Variants in NAALADL2 observed in about 807,000 individuals in gnomAD.
NAALADL2 encodes the protein inactive N-acetylated-alpha-linked acidic dipeptidase-like protein 2.
In NAALADL2, 76 loss-of-function variants were observed where a neutral mutation model predicts 87.2. The ratio of observed to expected loss-of-function variants is 0.87; its 90% CI spans 0.72 to 1.05. The LOEUF (loss-of-function observed/expected upper bound fraction) is 1.05, where lower values mean the gene tolerates loss of function less well. Among genes scored for constraint, NAALADL2 ranks in the 50% least tolerant of loss-of-function variants. NAALADL2 has a pLI of 0.00. For synonymous variants in NAALADL2, 354 were observed against 331.0 expected (o/e 1.07, Z -0.75); for missense variants, 1,089 against 945.8 (o/e 1.15, Z -1.99).
At chr3:175,795,622 G>T (rs1041646660) in intron 13 of NAALADL2, among the ~76,000 whole-genome samples, 1 of 151,960 alleles carries the variant, frequency 6.6e-6, no homozygotes, top group Non-Finnish European at 1.5e-5. Flanking sequence ...GGCGGAGCTT[G>T]CAGTGAGCAG....
At chr3:174,665,196 T>C (rs894459224) in intron 2 of NAALADL2, among the ~76,000 whole-genome samples, 4 of 152,152 alleles carry the variant, frequency 2.6e-5, no homozygotes, top group African/African-American at 7.2e-5. Flanking sequence ...TTATGAGCAT[T>C]ACATAGAGAT....
In NAALADL2 at chr3:175,801,885, A is replaced by G. The variant is rs893505705; in HGVS notation, c.2190-1120A>G. On this transcript the variant is annotated intron_variant, in intron 13 of 13. Coordinates refer to ENST00000454872, the MANE Select transcript of NAALADL2 (RefSeq NM_207015.3). ...TTCCCAAATCAAATTTCTCCTTCTCAGCAATTTGACTAAGTTACAGGGCAC... is the reference window on the plus strand; with the variant it reads ...TTCCCAAATCAAATTTCTCCTTCTCGGCAATTTGACTAAGTTACAGGGCAC... Among the ~76,000 whole-genome samples the G allele has an allele frequency of 5.3e-5, 8 of 152,130 alleles. No individual in the cohort carries two copies. In the East Asian group the frequency reaches 1.4e-3, roughly 26 times the overall value.
At chr3:175,410,493 C>A in intron 5 of NAALADL2, among the ~76,000 whole-genome samples, 1 of 152,038 alleles carries the variant, frequency 6.6e-6, no homozygotes, top group Non-Finnish European at 1.5e-5. Context: ...ATTTATTCCA[C>A]AGATGTTTAT....
At chr3:175,213,326 A>G (rs1176243197) in intron 2 of NAALADL2, among the ~76,000 whole-genome samples, 1 of 152,074 alleles carries the variant, frequency 6.6e-6, no homozygotes. Flanking sequence ...CCTACTAGAT[A>G]TTAAGGGAGG....
rs1753070847 is a variant in NAALADL2, at chr3:175,033,799, G to T, written c.44-62991G>T. ...CCTTACGTGGTTTAATCCAGTTCAT[G>T]ATGTGAAGCGCCATCTTGAATTTCA... On this transcript the variant is annotated intron_variant, in intron 1 of 13. Transcript: ENST00000454872. 1.3e-5 allele frequency among the ~76,000 whole-genome samples: 2 copies of T among 152,092 alleles called. 1 individual carries two copies. The highest frequency in any genetic ancestry group is 4.1e-4 in the South Asian group (2 of 4,832).
intron 3 of NAALADL2, among the ~76,000 whole-genome samples, chr3:174,783,807 A>G (rs1716285449): frequency 6.6e-6 from 1 of 152,054 alleles, no homozygotes; most frequent in Non-Finnish European, 1.5e-5. Context: ...TCTCAATCCT[A>G]GCTATGGAAT....
chr3:175,443,690 C>T (rs1340027628), intron 5 of NAALADL2, among the ~76,000 whole-genome samples: 1 of 152,120 alleles, frequency 6.6e-6, no homozygotes, highest in Admixed American at 6.6e-5. Context: ...CTTTTTTCTA[C>T]TATTAATTAT....
chr3:174,676,349 T>C (rs556822586), intron 2 of NAALADL2, among the ~76,000 whole-genome samples: 1 of 152,218 alleles, frequency 6.6e-6, no homozygotes, highest in Non-Finnish European at 1.5e-5. Flanking sequence ...TCAACCATTT[T>C]ATATGAACAA....
intron 4 of NAALADL2, among the ~76,000 whole-genome samples, chr3:175,316,898 CTT>C (rs1026671956): frequency 6.6e-6 from 1 of 152,074 alleles, no homozygotes; most frequent in Non-Finnish European, 1.5e-5. Flanking sequence ...AATTAAGTGT[CTT>C]TATTTCTAAA....
intron 2 of NAALADL2, among the ~76,000 whole-genome samples, chr3:175,176,981 C>T (rs961855342): frequency 7.2e-5 from 11 of 152,060 alleles, no homozygotes; most frequent in South Asian, 4.2e-4. Flanking sequence ...AACAATCATT[C>T]GTATATAGAA....
intron 6 of NAALADL2, among the ~76,000 whole-genome samples, chr3:175,460,865 T>C (rs1264814978): frequency 1.3e-5 from 2 of 151,960 alleles, no homozygotes; most frequent in African/African-American, 4.8e-5. Context: ...CAATATTTAT[T>C]GTAAAGAGCA....
intron 5 of NAALADL2, among the ~76,000 whole-genome samples, chr3:175,426,189 C>T (rs966592919): frequency 6.6e-6 from 1 of 152,074 alleles, no homozygotes; most frequent in East Asian, 1.9e-4. Context: ...CGTATTGAAA[C>T]CTGTCTCTAC....
At chr3:175,317,119 C>A (rs1759246490) in intron 4 of NAALADL2, among the ~76,000 whole-genome samples, 1 of 152,044 alleles carries the variant, frequency 6.6e-6, no homozygotes, top group Non-Finnish European at 1.5e-5. Context: ...TAATTATAGG[C>A]CATCAGCTAT....
At position 175,388,957 on chromosome 3, in the gene NAALADL2, T is replaced by C. The variant is rs529412544; in HGVS notation, c.1091-58272T>C. Among the ~76,000 whole-genome samples the C allele has an allele frequency of 5.9e-5, 9 of 152,260 alleles. No individual in the cohort carries two copies. In the South Asian group the frequency reaches 1.9e-3, roughly 32 times the overall value. On this transcript the variant is annotated intron_variant, in intron 5 of 13. Transcript: ENST00000454872. ...TTGTTCTTTTATAGAAAAAAAATTA[T>C]TCTGCCCTGATGAGTATTCTATTTT... is the stretch of plus-strand genomic sequence containing the variant.
At chr3:175,333,969 T>A (rs1422936862) in intron 5 of NAALADL2, among the ~76,000 whole-genome samples, 19 of 152,148 alleles carry the variant, frequency 1.2e-4, no homozygotes, top group Admixed American at 1.2e-3. Flanking sequence ...ATATCATGTA[T>A]CATTAAGAAA....
intron 1 of NAALADL2, among the ~76,000 whole-genome samples, chr3:174,921,816 A>AAAAAAG (rs1161500876): frequency 8.0e-6 from 1 of 125,552 alleles, no homozygotes; most frequent in African/African-American, 3.5e-5. Context: ...AAAAAAAAAA[A>AAAAAAG]AAAAAGAAAA....
At chr3:174,680,495 T>C (rs968555437) in intron 2 of NAALADL2, among the ~76,000 whole-genome samples, 26 of 152,232 alleles carry the variant, frequency 1.7e-4, no homozygotes, top group African/African-American at 6.3e-4. Context: ...CTTTACTTTT[T>C]TGTTTTGTTT....
chr3:175,389,645 A>G (rs549149788), intron 5 of NAALADL2, among the ~76,000 whole-genome samples: 3 of 152,326 alleles, frequency 2.0e-5, no homozygotes, highest in South Asian at 4.1e-4. Flanking sequence ...TTCCTATTTT[A>G]CCTTGAAAAT....
chr3:174,844,834 G>GTTTTTTT (rs1560280732), intron 3 of NAALADL2, among the ~76,000 whole-genome samples: 1 of 76,448 alleles, frequency 1.3e-5, no homozygotes, highest in African/African-American at 6.5e-5. Context: ...TAGTTCTAAT[G>GTTTTTTT]GTTTTTTTTT....
Sources: allele counts gnomAD v4.1 joint callset (sites outside exome capture counted in the v4.1 genomes callset), GRCh38; gene constraint gnomAD v4.1.1; transcripts MANE v1.5; gene names NCBI Gene and HGNC (gene_info 2026-07-23, HGNC 2026-07-21).